MTNR1B: variants seen among roughly 807,000 people sequenced by gnomAD.
The protein encoded by MTNR1B is melatonin receptor 1B, also known as melatonin receptor type 1B.
Under a neutral mutation model 7.0 loss-of-function variants are expected in MTNR1B, and 7 were observed. The ratio of observed to expected loss-of-function variants is 1.00; its 90% CI spans 0.57 to 1.88. The LOEUF is 1.88. Ranked by LOEUF, MTNR1B falls within the 40% of genes most tolerant of loss-of-function variation. The pLI is 0.00. For missense variants in MTNR1B, 478 were observed against 486.5 expected (o/e 0.98, Z 0.16); for synonymous variants, 226 against 208.2 (o/e 1.09, Z -0.74).
At chr11:92,984,553 C>A (rs1159501698), downstream of MTNR1B, among the ~76,000 whole-genome samples, 4 of 152,212 alleles carry the variant, frequency 2.6e-5, no homozygotes, top group Non-Finnish European at 4.4e-5. Context: ...TTCCCCTCCC[C>A]CTAGACACAA....
Position 92,981,651 on chromosome 11 carries a change from G to T in MTNR1B, c.428G>T (p.Cys143Phe). The change falls in exon 2 of 2, where the codon TGC (cysteine) becomes TTC (phenylalanine). Residue 143 changes from cysteine to phenylalanine, a missense_variant. Physicochemically the swap from Cys to Phe is radical, Grantham distance 205. Coordinates refer to ENST00000257068, the MANE Select transcript of MTNR1B (RefSeq NM_005959.5). Reference sequence around the variant, plus strand: ...GCCATTAACCGCTACTGCTACATCTGCCACAGCATGGCCTACCACCGAATC... The same window carrying T: ...GCCATTAACCGCTACTGCTACATCTTCCACAGCATGGCCTACCACCGAATC... Reference protein sequence around the residue: ...AIAINRYCYICHSMAYHRIYR... With the variant: ...AIAINRYCYIFHSMAYHRIYR... 3 of 1,614,054 alleles carry T rather than the reference G, an allele frequency of 1.9e-6. No individual in the cohort carries two copies. The highest frequency in any genetic ancestry group is 2.5e-6 in the Non-Finnish European group (3 of 1,180,010).
intron 1 of MTNR1B, among the ~76,000 whole-genome samples, chr11:92,977,827 G>A (rs781266965): frequency 9.3e-4 from 142 of 152,226 alleles, no homozygotes; most frequent in Non-Finnish European, 1.7e-3. Flanking sequence ...TAAACAGATG[G>A]AAGAGTGGAA....
rs575839980 is a variant in MTNR1B, at chr11:92,982,239, G to T, written c.1016G>T (p.Gly339Val). 2.5e-6 allele frequency: 4 copies of T among 1,614,168 alleles called. No individual in the cohort carries two copies. Among genetic ancestry groups the T allele is most frequent in the Middle Eastern group, 1.7e-4 (1 of 6,060 alleles). ...CACTGCATTCAAGATGCTTCCAAGG[G>T]CAGCCACGCGGAGGGGCTGCAGAGC... Reference protein sequence around the residue: ...PRHCIQDASKGSHAEGLQSPA... With the variant: ...PRHCIQDASKVSHAEGLQSPA... Residue 339 changes from glycine to valine, a missense_variant, in exon 2 of 2, where the codon GGC (glycine) becomes GTC (valine). Physicochemically the swap from Gly to Val is moderately radical, Grantham distance 109. Coordinates refer to ENST00000257068, the MANE Select transcript of MTNR1B (RefSeq NM_005959.5).
At chr11:92,983,114 C>T (rs567291312), downstream of MTNR1B, among the ~76,000 whole-genome samples, 10 of 152,238 alleles carry the variant, frequency 6.6e-5, no homozygotes, top group African/African-American at 1.9e-4. Context: ...CGTAGTCAGC[C>T]TCCCAGGTTG....
downstream of MTNR1B, chr11:92,984,917 T>C (rs1321492204): frequency 2.6e-5 from 12 of 456,060 alleles, no homozygotes; most frequent in Admixed American, 2.6e-4. Flanking sequence ...TGGGCCCTGA[T>C]TGTAAATAAA....
chr11:92,981,864 C>T lies in MTNR1B; in HGVS notation c.641C>T (p.Ala214Val). ...VVVIHFLLPI[A>V]VVSFCYLRIW... The stretch of plus-strand genomic sequence containing the variant: ...GTCATCCACTTCCTCCTCCCTATCG[C>T]TGTCGTGTCCTTCTGCTACCTGCGC... Residue 214 changes from alanine to valine, a missense_variant, in exon 2 of 2, where the codon GCT (alanine) becomes GTT (valine). By Grantham distance (64) the Ala-to-Val change is moderately conservative. Transcript: ENST00000257068. 6.2e-7 allele frequency: 1 copy of T among 1,614,228 alleles called. No homozygotes were observed.
intron 1 of MTNR1B, among the ~76,000 whole-genome samples, chr11:92,979,547 T>A (rs1858064197): frequency 6.6e-6 from 1 of 152,220 alleles, no homozygotes; most frequent in Non-Finnish European, 1.5e-5. Context: ...TGAGTCATGA[T>A]TCTCCTTTGC....
In MTNR1B at chr11:92,982,346, C is replaced by A; in HGVS notation, c.*34C>A. ...TGAGGCACACCAGCAGCATGACAAA[C>A]TCATGAAATGGTGGGAGAGAGTCTG... On this transcript the variant is annotated 3_prime_UTR_variant, in exon 2 of 2. Transcript: ENST00000257068. 6.3e-7 allele frequency: 1 copy of A among 1,588,602 alleles called. No individual in the cohort carries two copies. Among genetic ancestry groups the A allele is most frequent in the Non-Finnish European group, 8.6e-7 (1 of 1,169,214 alleles).
intron 1 of MTNR1B, among the ~76,000 whole-genome samples, chr11:92,977,272 T>C (rs1858023846): frequency 6.6e-6 from 1 of 152,198 alleles, no homozygotes; most frequent in Admixed American, 6.5e-5. Flanking sequence ...TTTTCATAAA[T>C]ATGTGACTTT....
chr11:92,979,820 C>A lies in MTNR1B; in HGVS notation c.224-1627C>A, dbSNP rs552191638. Among the ~76,000 whole-genome samples the A allele has an allele frequency of 2.0e-5, 3 of 152,246 alleles. No individual in the cohort carries two copies. In the South Asian group the frequency reaches 6.2e-4, roughly 32 times the overall value. On this transcript the variant is annotated intron_variant, in intron 1 of 1. Transcript: ENST00000257068. ...AGGCTTCCTGAGGGTCTTTCAAGTT[C>A]CCATCCCCATTCGGACCATGCTATG...
At chr11:92,978,363 G>T (rs1423399536) in intron 1 of MTNR1B, among the ~76,000 whole-genome samples, 1 of 152,206 alleles carries the variant, frequency 6.6e-6, no homozygotes, top group Admixed American at 6.5e-5. Context: ...TCCTGAAGGG[G>T]ATTCCATGTT....
downstream of MTNR1B, among the ~76,000 whole-genome samples, chr11:92,983,478 A>C (rs1858152259): frequency 6.6e-6 from 1 of 150,580 alleles, no homozygotes; most frequent in South Asian, 2.1e-4. Flanking sequence ...GTGCCACTGT[A>C]CCCCAGACTG....
intron 1 of MTNR1B, among the ~76,000 whole-genome samples, chr11:92,975,544 C>G (rs10830963): frequency 0.23 from 34,984 of 152,102 alleles, 4,987 homozygotes; most frequent in East Asian, 0.43. Flanking sequence ...CACACCATCT[C>G]CTATCCAGAA....
Position 92,982,421 on chromosome 11 carries a change from A to G in MTNR1B, c.*109A>G. 1 of 1,325,310 alleles carries G rather than the reference A, an allele frequency of 7.5e-7. No individual in the cohort carries two copies. Among genetic ancestry groups the G allele is most frequent in the Non-Finnish European group, 1.0e-6 (1 of 986,352 alleles). 82.1% of individuals were successfully genotyped at this position (1,325,310 alleles called of 1,614,324 possible). A position where few individuals can be genotyped will look rare whatever the true frequency, so the allele number is the denominator to read the frequency against. On this transcript the variant is annotated 3_prime_UTR_variant, in exon 2 of 2. Transcript: ENST00000257068. ...TGCTGGGCCACACTGTCCTGTTGGC[A>G]TCACAGCCCCAAGGCTGGGGGAACT...
chr11:92,974,019 T>C (rs928998495), intron 1 of MTNR1B, among the ~76,000 whole-genome samples: 8 of 152,368 alleles, frequency 5.3e-5, no homozygotes, highest in Admixed American at 4.6e-4. Context: ...AGCTGACTAT[T>C]GGCACCTTCT....
In MTNR1B at chr11:92,981,516, T is replaced by C. The variant is rs762719037; in HGVS notation, c.293T>C (p.Leu98Pro). 6.2e-7 allele frequency: 1 copy of C among 1,614,178 alleles called. No individual in the cohort carries two copies. The highest frequency in any genetic ancestry group is 1.7e-5 in the Admixed American group (1 of 60,020). ...VVAFYPYPLI[L>P]VAIFYDGWAL... is the part of the protein sequence containing the mutation. ...GCCTTCTACCCCTACCCGCTAATCC[T>C]CGTGGCCATCTTCTATGACGGCTGG... The change falls in exon 2 of 2, where the codon CTC (leucine) becomes CCC (proline). Residue 98 changes from leucine (L) to proline (P), a missense_variant. Leu to Pro is a moderately conservative substitution (Grantham distance 98). Transcript: ENST00000257068.
At chr11:92,971,350 G>A (rs1355517714) in intron 1 of MTNR1B, among the ~76,000 whole-genome samples, 1 of 148,516 alleles carries the variant, frequency 6.7e-6, no homozygotes, top group Non-Finnish European at 1.5e-5. Flanking sequence ...ACATTATTAA[G>A]AAGAAGTAAA....
At position 92,982,242 on chromosome 11, in the gene MTNR1B, G is replaced by A. The variant is rs765024779; in HGVS notation, c.1019G>A (p.Ser340Asn). 2.5e-6 allele frequency: 4 copies of A among 1,614,226 alleles called. No homozygotes were observed. In the South Asian group the frequency reaches 3.3e-5, roughly 13 times the overall value. The change falls in exon 2 of 2, where the codon AGC becomes AAC. Residue 340 changes from serine (S) to asparagine (N), a missense_variant. Physicochemically the swap from Ser to Asn is conservative, Grantham distance 46. Coordinates refer to ENST00000257068, the MANE Select transcript of MTNR1B (RefSeq NM_005959.5). ...TGCATTCAAGATGCTTCCAAGGGCA[G>A]CCACGCGGAGGGGCTGCAGAGCCCA... ...RHCIQDASKG[S>N]HAEGLQSPAP... is the part of the protein sequence containing the mutation.
chr11:92,984,186 C>T (rs1308164370), downstream of MTNR1B, among the ~76,000 whole-genome samples: 1 of 152,148 alleles, frequency 6.6e-6, no homozygotes, highest in African/African-American at 2.4e-5. Context: ...TATGCTGGAT[C>T]CTCTTTCTGG....
Sources: gnomAD v4.1 joint callset for allele counts (sites outside exome capture counted in the v4.1 genomes callset) on GRCh38, gnomAD v4.1.1 for gene constraint, MANE v1.5 for transcripts, NCBI Gene and HGNC (gene_info 2026-07-23, HGNC 2026-07-21) for gene names.